The following EDA variants were observed in gnomAD, a reference collection of about 807,000 sequenced individuals.
The protein encoded by EDA is ectodysplasin-A.
In EDA, 2 loss-of-function variants were observed where a neutral mutation model predicts 23.6. The ratio of observed to expected loss-of-function variants is 0.08; its 90% CI spans 0.03 to 0.27. The LOEUF is 0.27. Among genes scored for constraint, EDA ranks in the 10% least tolerant of loss-of-function variants. The pLI is 1.00. For synonymous variants in EDA, 131 were observed against 132.0 expected (o/e 0.99, Z 0.05); for missense variants, 229 against 324.2 (o/e 0.71, Z 2.26).
In EDA at chrX:69,761,632, A is replaced by G. The variant is rs2014311052; in HGVS notation, c.396+144928A>G. On this transcript the variant is annotated intron_variant, in intron 1 of 7. Transcript: ENST00000374552. ...AGGACAAGGTTAGAGTTTTGCCATCATTATAAACATGAGTATTTTGCTTTG... is the reference window on the plus strand; with the variant it reads ...AGGACAAGGTTAGAGTTTTGCCATCGTTATAAACATGAGTATTTTGCTTTG... Among the ~76,000 whole-genome samples, 3 of 112,218 alleles carry G rather than the reference A, an allele frequency of 2.7e-5. No homozygotes were observed. In the South Asian group the frequency reaches 1.1e-3, roughly 42 times the overall value.
chrX:69,717,608 C>CAGGT (rs1340157003), intron 1 of EDA, among the ~76,000 whole-genome samples: 1 of 108,649 alleles, frequency 9.2e-6, no homozygotes, highest in Non-Finnish European at 1.9e-5. Context: ...CAAGCTCTGC[C>CAGGT]TCCCAGGTTC....
At chrX:70,022,393 A>G (rs1310789379) in intron 2 of EDA, among the ~76,000 whole-genome samples, 4 of 109,476 alleles carry the variant, frequency 3.7e-5, no homozygotes, top group Non-Finnish European at 7.6e-5. Flanking sequence ...GCTGGAGTGT[A>G]GAGCGTGATC....
intron 1 of EDA, among the ~76,000 whole-genome samples, chrX:69,876,359 G>A (rs1279302160): frequency 9.3e-6 from 1 of 107,847 alleles, no homozygotes; most frequent in Non-Finnish European, 1.9e-5. Flanking sequence ...AAAAATCTTA[G>A]AAATCACCAT....
At chrX:69,636,137 G>A (rs942413563) in intron 1 of EDA, among the ~76,000 whole-genome samples, 2 of 110,759 alleles carry the variant, frequency 1.8e-5, no homozygotes, top group African/African-American at 3.3e-5. Flanking sequence ...GGTGGGGCCT[G>A]GTGGAAGGTG....
At chrX:69,933,942 A>G (rs181863295) in intron 1 of EDA, among the ~76,000 whole-genome samples, 1 of 112,812 alleles carries the variant, frequency 8.9e-6, no homozygotes, top group East Asian at 2.8e-4. Context: ...GTTCTCTCTA[A>G]GAGCCAGCGT....
At chrX:69,867,362 A>T (rs1323554838) in intron 1 of EDA, among the ~76,000 whole-genome samples, 1 of 111,965 alleles carries the variant, frequency 8.9e-6, no homozygotes, top group Non-Finnish European at 1.9e-5. Context: ...TTCACATGGG[A>T]TACAAATATC....
rs387907197 is a variant in EDA at position 70,033,430 on chromosome X, C to G, written c.826C>G (p.Arg276Gly). ...LSGGVLNDWSRITMNPKVFKL... is the reference protein window; with the variant it reads ...LSGGVLNDWSGITMNPKVFKL... ...AGGTGGAGTGCTCAATGACTGGTCT[C>G]GCATCACTATGAACCCCAAGGTGTT... Residue 276 changes from arginine to glycine, a missense_variant, in exon 7 of 8, where the codon CGC becomes GGC. Transcript: ENST00000374552. 8.3e-7 allele frequency: 1 copy of G among 1,210,427 alleles called. No individual in the cohort carries two copies. The highest frequency in any genetic ancestry group is 1.7e-5 in the African/African-American group (1 of 57,261).
intron 1 of EDA, among the ~76,000 whole-genome samples, chrX:69,681,131 A>G (rs1416848377): frequency 2.2e-4 from 25 of 111,250 alleles, no homozygotes; most frequent in African/African-American, 7.2e-4. Context: ...CTTTTCTTTA[A>G]GAATGTTGAA....
intron 1 of EDA, among the ~76,000 whole-genome samples, chrX:69,850,861 C>T (rs763000587): frequency 3.0e-4 from 34 of 111,864 alleles, no homozygotes; most frequent in African/African-American, 1.1e-3. Context: ...GCACATACTA[C>T]ATGTTATGCT....
chrX:69,842,454 C>A (rs1232613777), intron 1 of EDA, among the ~76,000 whole-genome samples: 2 of 111,813 alleles, frequency 1.8e-5, no homozygotes, highest in African/African-American at 3.3e-5. Flanking sequence ...CTGAAACCAT[C>A]TCCCCACCCC....
At chrX:69,698,236 A>C (rs974651794) in intron 1 of EDA, among the ~76,000 whole-genome samples, 8 of 111,527 alleles carry the variant, frequency 7.2e-5, no homozygotes, top group African/African-American at 9.8e-5. Flanking sequence ...GGTGTTGCCC[A>C]CTGTTAATGT....
intron 1 of EDA, among the ~76,000 whole-genome samples, chrX:69,874,780 C>T (rs2017618525): frequency 8.9e-6 from 1 of 111,978 alleles, no homozygotes; most frequent in Non-Finnish European, 1.9e-5. Context: ...TAAATTAATT[C>T]AGCAAAGTTT....
At chrX:69,796,828 C>T (rs762000993) in intron 1 of EDA, among the ~76,000 whole-genome samples, 7 of 111,168 alleles carry the variant, frequency 6.3e-5, no homozygotes, top group Non-Finnish European at 1.1e-4. Flanking sequence ...ACACAGAAAT[C>T]AGAAAAACAA....
intron 2 of EDA, among the ~76,000 whole-genome samples, chrX:69,987,974 A>G (rs1398160661): frequency 8.9e-6 from 1 of 111,999 alleles, no homozygotes; most frequent in East Asian, 2.8e-4. Flanking sequence ...TTAATGGCTC[A>G]GTATAAGGTA....
chrX:69,669,181 C>A (rs1933795059), intron 1 of EDA, among the ~76,000 whole-genome samples: 1 of 110,740 alleles, frequency 9.0e-6, no homozygotes, highest in African/African-American at 3.3e-5. Flanking sequence ...TAAGTGGGTA[C>A]CCCATAGACA....
chrX:69,788,947 C>G (rs1602410175), intron 1 of EDA, among the ~76,000 whole-genome samples: 1 of 112,497 alleles, frequency 8.9e-6, no homozygotes, highest in Non-Finnish European at 1.9e-5. Context: ...CAGCGAGACT[C>G]CGTGGGCGTA....
chrX:69,833,548 T>A (rs1273444863), intron 1 of EDA, among the ~76,000 whole-genome samples: 1 of 110,725 alleles, frequency 9.0e-6, no homozygotes, highest in Non-Finnish European at 1.9e-5. Flanking sequence ...CAGGATGATG[T>A]TGGCCTCATA....
At position 69,896,462 on chromosome X, in the gene EDA, G is replaced by A. The variant is rs1417147926; in HGVS notation, c.397-60565G>A. ...TGAGAAAGGCTGCAAAGAAGGGATG[G>A]GGTGAGGAGGAAGATGGATGGTTTC... On this transcript the variant is annotated intron_variant, in intron 1 of 7. Coordinates refer to ENST00000374552, the MANE Select transcript of EDA (RefSeq NM_001399.5). Among the ~76,000 whole-genome samples, 7 of 108,842 alleles carry A rather than the reference G, an allele frequency of 6.4e-5. No individual in the cohort carries two copies. The Admixed American group carries it at 7.0e-4, about 11-fold the overall frequency. 94.5% of individuals were successfully genotyped at this position (108,842 alleles called of 115,157 possible).
At chrX:69,721,668 T>C (rs2012588228) in intron 1 of EDA, among the ~76,000 whole-genome samples, 1 of 111,167 alleles carries the variant, frequency 9.0e-6, no homozygotes, top group African/African-American at 3.3e-5. Flanking sequence ...CTGATCTCTG[T>C]TGCTAAGATA....
Sources: allele counts gnomAD v4.1 joint callset (sites outside exome capture counted in the v4.1 genomes callset), GRCh38; gene constraint gnomAD v4.1.1; transcripts MANE v1.5; gene names NCBI Gene and HGNC (gene_info 2026-07-23, HGNC 2026-07-21).